TANC2: variants seen among roughly 807,000 people sequenced by gnomAD.
The protein encoded by TANC2 is protein TANC2.
In TANC2, 26 loss-of-function variants were observed where a neutral mutation model predicts 210.5. The observed-to-expected ratio is 0.12, with a 90% CI of 0.09 to 0.17. TANC2 has a LOEUF of 0.17. Ranked by LOEUF, TANC2 falls within the 10% of genes least tolerant of loss-of-function variation. The probability of loss-of-function intolerance (pLI) is 1.00; values close to 1 mark genes in which losing one functional copy is unlikely to be tolerated. For synonymous variants in TANC2, 931 were observed against 967.1 expected, an observed-to-expected ratio of 0.96 and a Z score of 0.69; for missense variants, 2,129 against 2,608.9, an observed-to-expected ratio of 0.82 and a Z score of 4.01.
At chr17:63,100,357 A>G (rs2037575626) in intron 4 of TANC2, among the ~76,000 whole-genome samples, 2 of 152,076 alleles carry the variant, frequency 1.3e-5, no homozygotes, top group Admixed American at 6.6e-5. Context: ...GCCTCTTTAC[A>G]TTGTGTATTA....
chr17:63,059,850 G>C (rs1397245114), intron 2 of TANC2, among the ~76,000 whole-genome samples: 2 of 152,206 alleles, frequency 1.3e-5, no homozygotes, highest in East Asian at 3.9e-4. Context: ...TTCCTTTTCA[G>C]ACCAGCTAGT....
At chr17:62,980,252 T>G (rs1256206297) in intron 1 of TANC2, among the ~76,000 whole-genome samples, 1 of 152,198 alleles carries the variant, frequency 6.6e-6, no homozygotes, top group African/African-American at 2.4e-5. Flanking sequence ...TTCTGTTTGT[T>G]TCTTATTGCT....
At chr17:63,065,277 C>T (rs1024299056) in intron 2 of TANC2, among the ~76,000 whole-genome samples, 2 of 152,178 alleles carry the variant, frequency 1.3e-5, no homozygotes, top group African/African-American at 4.8e-5. Context: ...CCCACACATT[C>T]ACCACATTTT....
At chr17:63,277,853 T>A (rs1278242220) in intron 9 of TANC2, among the ~76,000 whole-genome samples, 2 of 151,960 alleles carry the variant, frequency 1.3e-5, no homozygotes, top group African/African-American at 4.8e-5. Context: ...CATCAGTATT[T>A]GGCATCAGTA....
rs780335147 is a variant in TANC2 at position 63,411,623 on chromosome 17, C to A, written c.3702C>A (p.Asp1234Glu). ...TGGTGGATAACGGAGCTGCCACAGA[C>A]CATGCTGACAAGAATGGCCGTACCC... The change falls in exon 22 of 28, where the codon GAC becomes GAA. Residue 1234 changes from aspartate (D) to glutamate (E), a missense_variant. By Grantham distance (45) the Asp-to-Glu change is conservative. This residue lies in a region of TANC2 where 644 missense variants were observed against 937.5 expected (regional missense o/e 0.69). Transcript: ENST00000689528. 8.7e-6 allele frequency: 14 copies of A among 1,613,856 alleles called. No homozygotes were observed. Among genetic ancestry groups the A allele is most frequent in the Non-Finnish European group, 1.0e-5 (12 of 1,179,884 alleles).
intron 5 of TANC2, among the ~76,000 whole-genome samples, chr17:63,181,377 A>G (rs1172450572): frequency 1.3e-5 from 2 of 152,114 alleles, no homozygotes; most frequent in Admixed American, 6.5e-5. Context: ...GGTATAGACT[A>G]CCCTCTACAG....
At chr17:63,000,681 A>G (rs1201537970) in intron 1 of TANC2, among the ~76,000 whole-genome samples, 1 of 152,190 alleles carries the variant, frequency 6.6e-6, no homozygotes, top group African/African-American at 2.4e-5. Context: ...CTTGCCAGGG[A>G]TGTATCTGAT....
In TANC2 at chr17:63,420,155, G is replaced by C. The variant is rs760725231; in HGVS notation, c.4425G>C (p.Leu1475Phe). The change falls in exon 28 of 28, where the codon TTG (leucine) becomes TTC (phenylalanine). Residue 1475 changes from leucine to phenylalanine, a missense_variant. Leu to Phe is a conservative substitution (Grantham distance 22, BLOSUM62 0). This residue lies in a region of TANC2 where 584 missense variants were observed against 627.3 expected (regional missense o/e 0.93). Coordinates refer to ENST00000689528, the Ensembl canonical transcript of TANC2. This position sits in a 1 kb window ranked among gnomAD's most constrained non-coding sequence, Gnocchi z 4.2. Reference sequence around the variant, plus strand: ...CGCCACCGCAGCCTCAGCAGCAGTTGCCGGAAGAAGCAGAACCTGAGCCAC... The same window carrying C: ...CGCCACCGCAGCCTCAGCAGCAGTTCCCGGAAGAAGCAGAACCTGAGCCAC... 23 of 1,561,708 alleles carry C rather than the reference G, an allele frequency of 1.5e-5. No homozygotes were observed. The highest frequency in any genetic ancestry group is 1.6e-5 in the Non-Finnish European group (19 of 1,152,502).
chr17:63,272,872 C>A (rs1309611555), intron 9 of TANC2, among the ~76,000 whole-genome samples: 1 of 152,112 alleles, frequency 6.6e-6, no homozygotes, highest in Non-Finnish European at 1.5e-5. Flanking sequence ...GTCCAAAGAA[C>A]ATTTGAGGTG....
At chr17:63,345,695 G>C (rs529971872) in intron 12 of TANC2, among the ~76,000 whole-genome samples, 32 of 150,176 alleles carry the variant, frequency 2.1e-4, no homozygotes, top group Non-Finnish European at 4.1e-4. Flanking sequence ...GAAATGCAAA[G>C]TACCAAAAAT....
intron 1 of TANC2, among the ~76,000 whole-genome samples, chr17:62,987,791 G>A (rs2032646459): frequency 6.6e-6 from 1 of 152,104 alleles, no homozygotes; most frequent in Non-Finnish European, 1.5e-5. Context: ...CTTTCTTGTG[G>A]TGGGTGGGAA....
rs558856989 is a variant in TANC2, at chr17:63,026,388, T to C, written c.67+16762T>C. Among the ~76,000 whole-genome samples the C allele has an allele frequency of 5.3e-5, 8 of 152,272 alleles. No individual in the cohort carries two copies. In the East Asian group the frequency reaches 1.2e-3, roughly 22 times the overall value. On this transcript the variant is annotated intron_variant, in intron 2 of 27. Transcript: ENST00000689528. Reference sequence around the variant, plus strand: ...CTTTATGACATTTTAAGGATAACTCTGGCATCAGTGTATAGAATAGACTGC... The same window carrying C: ...CTTTATGACATTTTAAGGATAACTCCGGCATCAGTGTATAGAATAGACTGC...
intron 2 of TANC2, among the ~76,000 whole-genome samples, chr17:63,044,749 T>G (rs1015859507): frequency 3.3e-5 from 5 of 152,208 alleles, no homozygotes; most frequent in Non-Finnish European, 5.9e-5. Flanking sequence ...TATGGTCAGA[T>G]TTCTTCCTTT....
At chr17:62,992,946 G>T (rs754864514) in intron 1 of TANC2, among the ~76,000 whole-genome samples, 2 of 152,176 alleles carry the variant, frequency 1.3e-5, no homozygotes, top group African/African-American at 4.8e-5. Flanking sequence ...CCTGTGTTCC[G>T]TCTGGAGACT....
At chr17:63,043,787 G>GC (rs1464680625) in intron 2 of TANC2, among the ~76,000 whole-genome samples, 1 of 152,032 alleles carries the variant, frequency 6.6e-6, no homozygotes, top group South Asian at 2.1e-4. Context: ...GTAGCTGATG[G>GC]CCATTATCAT....
intron 17 of TANC2, among the ~76,000 whole-genome samples, chr17:63,392,723 T>C (rs993580470): frequency 6.6e-6 from 1 of 152,180 alleles, no homozygotes; most frequent in African/African-American, 2.4e-5. Flanking sequence ...ACGTTTGAGG[T>C]GATGGGTATG....
chr17:63,035,825 A>G lies in TANC2; in HGVS notation c.67+26199A>G, dbSNP rs572599965. On this transcript the variant is annotated intron_variant, in intron 2 of 27. Coordinates refer to ENST00000689528, the Ensembl canonical transcript of TANC2. ...CTGTACCCTTTTCATTCCCACCAGC[A>G]ACATATAAGAGTTCCAAATGCTCCA... 1.3e-3 allele frequency among the ~76,000 whole-genome samples: 198 copies of G among 152,328 alleles called. 1 individual carries two copies. Among genetic ancestry groups the G allele is most frequent in the Middle Eastern group, 3.4e-3 (1 of 294 alleles).
chr17:63,374,030 TGG>T (rs2047349862), intron 14 of TANC2, among the ~76,000 whole-genome samples: 1 of 125,354 alleles, frequency 8.0e-6, no homozygotes, highest in African/African-American at 3.5e-5. Context: ...CAGTTGTTGT[TGG>T]TTTTTTTTTT....
chr17:63,159,009 G>A (rs966610305), intron 5 of TANC2, among the ~76,000 whole-genome samples: 2 of 152,194 alleles, frequency 1.3e-5, no homozygotes, highest in African/African-American at 4.8e-5. Flanking sequence ...GGGCGTCTCC[G>A]TAGGGCAGCA....
Sources: gnomAD v4.1 joint callset for allele counts (sites outside exome capture counted in the v4.1 genomes callset) on GRCh38, gnomAD v4.1.1 for gene constraint, gnomAD v4.1.1 regional missense constraint, Gnocchi (gnomAD v3.1) non-coding constraint, MANE v1.5 for transcripts, NCBI Gene and HGNC (gene_info 2026-07-23, HGNC 2026-07-21) for gene names.